Variants in C11orf65 observed in about 807,000 individuals in gnomAD.
C11orf65 encodes the protein protein MFI.
C11orf65 carries 38 observed loss-of-function variants against 35.3 expected under a neutral mutation model. The ratio of observed to expected loss-of-function variants is 1.08; its 90% CI spans 0.83 to 1.41. C11orf65 has a LOEUF of 1.41. Ranked by LOEUF, C11orf65 falls within the 40% of genes most tolerant of loss-of-function variation. The pLI is 0.00. For missense variants in C11orf65, 370 were observed against 367.1 expected, an observed-to-expected ratio of 1.01 and a Z score of -0.06; for synonymous variants, 105 against 114.4, an observed-to-expected ratio of 0.92 and a Z score of 0.53.
chr11:108,442,704 A>G (rs1318518797), intron 2 of C11orf65, among the ~76,000 whole-genome samples: 1 of 152,212 alleles, frequency 6.6e-6, no homozygotes, highest in Admixed American at 6.6e-5. Flanking sequence ...TTCAACCCAG[A>G]ATTTCATATC....
rs1060504313 is a variant in C11orf65, at chr11:108,335,913, G to A, written c.227-621C>T. The stretch of plus-strand genomic sequence containing the variant: ...TCCAGATGTGTAATACATTACTGCA[G>A]AGAAACACGGAAACTAGGAAGAGGA... On this transcript the variant is annotated intron_variant, in intron 2 of 3. Transcript: ENST00000524755. 3.1e-6 allele frequency: 5 copies of A among 1,614,026 alleles called. No homozygotes were observed. Among genetic ancestry groups the A allele is most frequent in the Non-Finnish European group, 4.2e-6 (5 of 1,179,964 alleles).
At chr11:108,342,125 ATTAGTG>A (rs1251050888) in intron 2 of C11orf65, among the ~76,000 whole-genome samples, 1 of 151,956 alleles carries the variant, frequency 6.6e-6, no homozygotes, top group East Asian at 1.9e-4. Context: ...ATCAGCAATC[ATTAGTG>A]TTAGTGTATT....
chr11:108,321,333 G>A lies in C11orf65; in HGVS notation c.641-12262C>T. On this transcript the variant is annotated intron_variant, in intron 6 of 6. Coordinates refer to the C11orf65 transcript ENST00000525729. ...GAAGTGGAAGAGATGTGTAAGCGCA[G>A]CCTTGAGTCTGTGTATTCGCTCTAT... 6.2e-7 allele frequency: 1 copy of A among 1,614,160 alleles called. No individual in the cohort carries two copies. Among genetic ancestry groups the A allele is most frequent in the Non-Finnish European group, 8.5e-7 (1 of 1,180,026 alleles).
intron 2 of C11orf65, among the ~76,000 whole-genome samples, chr11:108,447,718 A>G (rs905601104): frequency 6.6e-6 from 1 of 152,194 alleles, no homozygotes; most frequent in Non-Finnish European, 1.5e-5. Context: ...CATCACAATT[A>G]AAACAACTAG....
chr11:108,415,995 T>A (rs2138812241), intron 3 of C11orf65, among the ~76,000 whole-genome samples: 1 of 152,246 alleles, frequency 6.6e-6, no homozygotes, highest in South Asian at 2.1e-4. Flanking sequence ...AACTTAAATG[T>A]AAAATGCAAA....
intron 6 of C11orf65, among the ~76,000 whole-genome samples, chr11:108,318,953 A>C (rs1234899747): frequency 6.6e-6 from 1 of 152,132 alleles, no homozygotes; most frequent in Non-Finnish European, 1.5e-5. Context: ...AGGAGGGTGG[A>C]TCACATGAGG....
In C11orf65 at chr11:108,461,478, C is replaced by A. The variant is rs755091353; in HGVS notation, c.81+1G>T. ...TCAATAAAACTTCTAAATAAACTCA[C>A]AAGGAAACTTTTCCAGGCCTGCTGA... On this transcript the variant is annotated splice_donor_variant, in intron 2 of 8. Coordinates refer to ENST00000393084, the MANE Select transcript of C11orf65 (RefSeq NM_152587.5). LOFTEE classifies it high-confidence loss of function. 5 of 1,597,722 alleles carry A rather than the reference C, an allele frequency of 3.1e-6. No homozygotes were observed. In the Admixed American group the frequency reaches 6.9e-5, roughly 22 times the overall value.
chr11:108,334,338 G>A (rs2086598417), intron 3 of C11orf65, among the ~76,000 whole-genome samples: 2 of 152,238 alleles, frequency 1.3e-5, no homozygotes, highest in African/African-American at 2.4e-5. Flanking sequence ...GCAGTAAAAT[G>A]TATTGGCTGT....
intron 2 of C11orf65, among the ~76,000 whole-genome samples, chr11:108,344,252 G>C (rs1013078461): frequency 2.6e-5 from 4 of 152,174 alleles, no homozygotes; most frequent in African/African-American, 4.8e-5. Flanking sequence ...CTGGGGTGGG[G>C]AGAATAGACA....
chr11:108,312,848 C>G (rs1437389098), intron 6 of C11orf65, among the ~76,000 whole-genome samples: 2 of 152,166 alleles, frequency 1.3e-5, no homozygotes, highest in East Asian at 1.9e-4. Flanking sequence ...TTGTATGTTA[C>G]AGAAGAAGCA....
chr11:108,374,813 C>T (rs927774675), intron 2 of C11orf65, among the ~76,000 whole-genome samples: 4 of 152,106 alleles, frequency 2.6e-5, no homozygotes, highest in African/African-American at 4.8e-5. Flanking sequence ...GAGCTGAAAG[C>T]CAAGGCTCGA....
At chr11:108,377,718 A>G (rs1260702968) in intron 2 of C11orf65, among the ~76,000 whole-genome samples, 1 of 151,838 alleles carries the variant, frequency 6.6e-6, no homozygotes, top group African/African-American at 2.4e-5. Flanking sequence ...ACATGATTGT[A>G]TATCTAGAAA....
intron 2 of C11orf65, among the ~76,000 whole-genome samples, chr11:108,374,509 A>T (rs533748712): frequency 6.6e-6 from 1 of 152,320 alleles, no homozygotes; most frequent in East Asian, 1.9e-4. Flanking sequence ...TCAAAGACCA[A>T]AAGTAGATAA....
downstream of C11orf65, among the ~76,000 whole-genome samples, chr11:108,382,574 A>T (rs1264366096): frequency 4.6e-5 from 7 of 152,168 alleles, no homozygotes. Context: ...GAGAATCAAG[A>T]GGAAGAAAGA....
rs1591403262 is a variant in C11orf65 at position 108,370,582 on chromosome 11, T to C, written c.226+22626A>G. ...CATCTCAAAGATAAAAGTGTAAGTG[T>C]TTACCTTTAAATTTACTGTTTGCTG... On this transcript the variant is annotated intron_variant, in intron 2 of 3. Transcript: ENST00000524755. Among the ~76,000 whole-genome samples, 3 of 152,042 alleles carry C rather than the reference T, an allele frequency of 2.0e-5. No individual in the cohort carries two copies. The East Asian group carries it at 5.8e-4, about 29-fold the overall frequency.
chr11:108,463,306 TTTATA>T (rs1472365608), intron 1 of C11orf65, among the ~76,000 whole-genome samples: 2 of 152,194 alleles, frequency 1.3e-5, no homozygotes, highest in Admixed American at 1.3e-4. Context: ...GAAAAATGTA[TTTATA>T]TATTTCTCAA....
At chr11:108,317,320 T>A in intron 6 of C11orf65, 2 of 1,569,304 alleles carry the variant, frequency 1.3e-6, no homozygotes, top group Non-Finnish European at 1.7e-6. Context: ...TTCTCTGGTT[T>A]TCTGTTGATA....
rs146039483 is a variant in C11orf65 at position 108,395,163 on chromosome 11, C to T, written c.561-1785G>A. Reference sequence around the variant, plus strand: ...AAAAAAAAAATCATAACACTACTTCCTCCTAGCATTCTTGAGAGGTTTAGA... The same window carrying T: ...AAAAAAAAAATCATAACACTACTTCTTCCTAGCATTCTTGAGAGGTTTAGA... On this transcript the variant is annotated intron_variant, in intron 6 of 8. Coordinates refer to ENST00000393084, the MANE Select transcript of C11orf65 (RefSeq NM_152587.5). Among the ~76,000 whole-genome samples the T allele has an allele frequency of 2.4e-3, 364 of 151,614 alleles. 3 individuals are homozygous for T. In the East Asian group the frequency reaches 0.041, roughly 17 times the overall value.
intron 3 of C11orf65, among the ~76,000 whole-genome samples, chr11:108,413,259 C>G (rs781282552): frequency 3.9e-5 from 6 of 152,134 alleles, no homozygotes; most frequent in Non-Finnish European, 8.8e-5. Flanking sequence ...GCAGAGTGGT[C>G]AAGTCAGGGC....
Sources: allele counts gnomAD v4.1 joint callset (sites outside exome capture counted in the v4.1 genomes callset), GRCh38; gene constraint gnomAD v4.1.1; transcripts MANE v1.5; gene names NCBI Gene and HGNC (gene_info 2026-07-23, HGNC 2026-07-21).